CLDND1: variants seen among roughly 807,000 people sequenced by gnomAD.
CLDND1 encodes claudin domain-containing protein 1.
In CLDND1, 13 loss-of-function variants were observed where a neutral mutation model predicts 26.3. The ratio of observed to expected loss-of-function variants is 0.49; its 90% CI spans 0.32 to 0.78. The LOEUF (loss-of-function observed/expected upper bound fraction) is 0.78. CLDND1 is among the 30% of genes least tolerant of loss of function. The probability of loss-of-function intolerance (pLI) is 0.03; values close to 1 mark genes in which losing one functional copy is unlikely to be tolerated. For missense variants in CLDND1, 289 were observed against 312.8 expected, an observed-to-expected ratio of 0.92 and a Z score of 0.57; for synonymous variants, 107 against 107.0, an observed-to-expected ratio of 1.00 and a Z score of 0.00.
chr3:98,519,820 A>G (rs1706325462), intron 2 of CLDND1, among the ~76,000 whole-genome samples: 1 of 151,972 alleles, frequency 6.6e-6, no homozygotes, highest in African/African-American at 2.4e-5. Context: ...GTCCTTTCCA[A>G]CCTAAATGAC....
rs1303090660 is a variant in CLDND1 at position 98,522,857 on chromosome 3, C to T, written c.-27G>A. 3 of 1,613,800 alleles carry T rather than the reference C, an allele frequency of 1.9e-6. No individual in the cohort carries two copies. The highest frequency in any genetic ancestry group is 3.3e-5 in the Admixed American group (2 of 60,022). Reference sequence around the variant, plus strand: ...AGGTCCCGCTCACTCACCGCCCATCCTCCTGCTCCGCCAGCTTCACCCTCT... The same window carrying T: ...AGGTCCCGCTCACTCACCGCCCATCTTCCTGCTCCGCCAGCTTCACCCTCT... On this transcript the variant is annotated 5_prime_UTR_variant, in exon 1 of 5. Coordinates refer to ENST00000341181, the MANE Select transcript of CLDND1 (RefSeq NM_001040181.2).
At position 98,516,684 on chromosome 3, in the gene CLDND1, A is replaced by G. The variant is rs1214513660; in HGVS notation, c.737T>C (p.Leu246Ser). 2 of 1,614,192 alleles carry G rather than the reference A, an allele frequency of 1.2e-6. No individual in the cohort carries two copies. The highest frequency in any genetic ancestry group is 1.7e-6 in the Non-Finnish European group (2 of 1,180,022). Residue 246 changes from leucine (L) to serine (S), a missense_variant, in exon 5 of 5, where the codon TTA becomes TCA. Transcript: ENST00000341181. ...AAHTNRKEYT[L>S]MKAYRVA ...TCATGCCACACGATATGCCTTCATT[A>G]AGGTGTACTCTTTCCGGTTGGTGTG...
At chr3:98,522,513 C>A in intron 1 of CLDND1, 2 of 1,214,548 alleles carry the variant, frequency 1.6e-6, no homozygotes, top group South Asian at 3.3e-5. Context: ...TTTAAAAATC[C>A]CCCCTTCATC....
chr3:98,516,337 C>CT lies in CLDND1; in HGVS notation c.*321dup, dbSNP rs1351714883. 179 of 1,093,950 alleles carry CT rather than the reference C, an allele frequency of 1.6e-4. No individual in the cohort carries two copies. The highest frequency in any genetic ancestry group is 1.9e-4 in the Non-Finnish European group (173 of 898,304). The allele number at this position is 1,093,950 out of a possible 1,614,324, so 67.8% of individuals were successfully genotyped here. On this transcript the variant is annotated 3_prime_UTR_variant, in exon 5 of 5. Transcript: ENST00000341181. Reference sequence around the variant, plus strand: ...AGTTACTTTAGTTTTACTGAAAAGTCTAACAGACATTAGCACAACTTGTTT... The same window carrying CT: ...AGTTACTTTAGTTTTACTGAAAAGTCTTAACAGACATTAGCACAACTTGTTT...
intron 1 of CLDND1, chr3:98,522,167 G>A (rs1431676567): frequency 1.3e-5 from 2 of 159,592 alleles, no homozygotes; most frequent in Admixed American, 1.3e-4. Context: ...CAGAAATCTT[G>A]CTCTCTCCCT....
chr3:98,521,543 C>A (rs1041890438), intron 1 of CLDND1, 101 bp from the exon 2 acceptor site: 2 of 1,455,460 alleles, frequency 1.4e-6, no homozygotes, highest in Non-Finnish European at 1.9e-6. Flanking sequence ...AATTCCCCAT[C>A]CCTTCGTACA....
intron 2 of CLDND1, among the ~76,000 whole-genome samples, chr3:98,519,415 C>T (rs964371047): frequency 6.6e-6 from 1 of 152,234 alleles, no homozygotes; most frequent in African/African-American, 2.4e-5. Flanking sequence ...CATTTACACT[C>T]CATCAGGAAA....
Position 98,522,752 on chromosome 3 carries a change from C to A in CLDND1, c.-19+97G>T, listed in dbSNP as rs540318356. On this transcript the variant is annotated intron_variant, in intron 1 of 4. Transcript: ENST00000341181. ...AATCCGCCGCTCGGAACCCGCCCAGCCCGACCACGCCCGGGAAGGGGGCCC... is the reference window on the plus strand; with the variant it reads ...AATCCGCCGCTCGGAACCCGCCCAGACCGACCACGCCCGGGAAGGGGGCCC... 329 of 1,605,332 alleles carry A rather than the reference C, an allele frequency of 2.0e-4. 6 individuals carry two copies. The South Asian group carries it at 3.4e-3, about 17-fold the overall frequency.
chr3:98,522,675 G>C lies in CLDND1; in HGVS notation c.-19+174C>G. 2.8e-6 allele frequency: 4 copies of C among 1,442,648 alleles called. No homozygotes were observed. The South Asian group carries it at 4.4e-5, about 16-fold the overall frequency. 89.4% of individuals were successfully genotyped at this position (1,442,648 alleles called of 1,614,324 possible). A position where few individuals can be genotyped will look rare whatever the true frequency, so the allele number is the denominator to read the frequency against. ...GCAGCCGTGCTCGGCCCCGGGCCAG[G>C]GTCCCCCGGTACCCGACCAGGCCCC... On this transcript the variant is annotated intron_variant, in intron 1 of 4. Coordinates refer to ENST00000341181, the MANE Select transcript of CLDND1 (RefSeq NM_001040181.2).
intron 3 of CLDND1, 131 bp downstream of exon 3, chr3:98,518,754 A>G (rs1043522271): frequency 1.6e-6 from 1 of 629,932 alleles, no homozygotes; most frequent in Non-Finnish European, 2.9e-6. Context: ...AGTTCACTGG[A>G]TACTGTTAGA....
rs1706125089 is a variant in CLDND1 at position 98,516,021 on chromosome 3, C to A, written c.*638G>T. 4.3e-6 allele frequency: 5 copies of A among 1,160,586 alleles called. No individual in the cohort carries two copies. The highest frequency in any genetic ancestry group is 5.4e-6 in the Non-Finnish European group (5 of 928,012). 71.9% of individuals were successfully genotyped at this position (1,160,586 alleles called of 1,614,324 possible). ...ATCCTCGCCCGGCTGAACTGGAATTCTTGCAGTTACAAAGTTAAAATTTCA... is the reference window on the plus strand; with the variant it reads ...ATCCTCGCCCGGCTGAACTGGAATTATTGCAGTTACAAAGTTAAAATTTCA... On this transcript the variant is annotated 3_prime_UTR_variant, in exon 5 of 5. Transcript: ENST00000341181.
At chr3:98,522,422 G>T in intron 1 of CLDND1, 2 of 596,674 alleles carry the variant, frequency 3.4e-6, no homozygotes, top group African/African-American at 2.0e-5. Context: ...GGGTTGCTGA[G>T]TTTGGAAAAT....
At chr3:98,517,813 T>C (rs538075707) in intron 3 of CLDND1, among the ~76,000 whole-genome samples, 6 of 152,038 alleles carry the variant, frequency 3.9e-5, no homozygotes, top group Non-Finnish European at 8.8e-5. Context: ...GAGGCAAGAG[T>C]CATAAATAAC....
chr3:98,518,851 C>T (rs752197031), intron 3 of CLDND1, 34 bp downstream of exon 3: 6 of 1,193,908 alleles, frequency 5.0e-6, no homozygotes, highest in East Asian at 2.3e-5. Flanking sequence ...TATCTTTGTT[C>T]CCCCAACTGT....
In CLDND1 at chr3:98,515,598, G is replaced by C; in HGVS notation, c.*1061C>G. 1 of 1,065,444 alleles carries C rather than the reference G, an allele frequency of 9.4e-7. No homozygotes were observed. The highest frequency in any genetic ancestry group is 1.2e-6 in the Non-Finnish European group (1 of 856,022). The allele number at this position is 1,065,444 out of a possible 1,614,324, so 66.0% of individuals were successfully genotyped here. A position where few individuals can be genotyped will look rare whatever the true frequency, so the allele number is the denominator to read the frequency against. On this transcript the variant is annotated 3_prime_UTR_variant, in exon 5 of 5. Coordinates refer to ENST00000341181, the MANE Select transcript of CLDND1 (RefSeq NM_001040181.2). Reference sequence around the variant, plus strand: ...CTACAGTAGTGGAATAAATAAATAAGTTTTTTAAAGTTCAATGTTTATAGA... The same window carrying C: ...CTACAGTAGTGGAATAAATAAATAACTTTTTTAAAGTTCAATGTTTATAGA...
rs138302383 is a variant in CLDND1, at chr3:98,519,778, C to T, written c.293-783G>A. Among the ~76,000 whole-genome samples the T allele has an allele frequency of 2.2e-4, 33 of 152,328 alleles. No homozygotes were observed. In the East Asian group the frequency reaches 6.4e-3, roughly 29 times the overall value. On this transcript the variant is annotated intron_variant, in intron 2 of 4. Coordinates refer to ENST00000341181, the MANE Select transcript of CLDND1 (RefSeq NM_001040181.2). The stretch of plus-strand genomic sequence containing the variant: ...CTTACTGGTCCTTGAATATTTCAGG[C>T]ATGCTCCCGCCATAGAGCCTTTGCA...
intron 3 of CLDND1, 45 bp from the exon 4 acceptor site, chr3:98,517,234 A>G (rs759251379): frequency 6.3e-7 from 1 of 1,592,034 alleles, no homozygotes; most frequent in Admixed American, 1.8e-5. Context: ...GTGATTTCAG[A>G]CCATTTTCCC....
intron 3 of CLDND1, among the ~76,000 whole-genome samples, chr3:98,517,616 ATTGGGT>A (rs1706203347): frequency 6.6e-6 from 1 of 152,226 alleles, no homozygotes; most frequent in Non-Finnish European, 1.5e-5. Context: ...TTTATATTGT[ATTGGGT>A]ATTATAAGCA....
intron 3 of CLDND1, among the ~76,000 whole-genome samples, chr3:98,518,554 A>G (rs1012454283): frequency 5.3e-5 from 8 of 152,162 alleles, no homozygotes; most frequent in African/African-American, 1.9e-4. Flanking sequence ...CAAGCAGTGG[A>G]AAGTGTTTAA....
Sources: gnomAD v4.1 joint callset for allele counts (sites outside exome capture counted in the v4.1 genomes callset) on GRCh38, gnomAD v4.1.1 for gene constraint, MANE v1.5 for transcripts, NCBI Gene and HGNC (gene_info 2026-07-23, HGNC 2026-07-21) for gene names.